Variants in FCSK observed in about 807,000 individuals in gnomAD.
The protein encoded by FCSK is fucose kinase.
A neutral mutation model predicts 122.5 loss-of-function variants in FCSK; 123 were observed. That is an observed-to-expected ratio of 1.00 (90% CI 0.87 to 1.17). FCSK has a LOEUF of 1.17. FCSK is among the 50% of genes most tolerant of loss of function. The pLI is 0.00. For synonymous variants in FCSK, 620 were observed against 625.5 expected (o/e 0.99, Z 0.13); for missense variants, 1,366 against 1,450.4 (o/e 0.94, Z 0.95).
chr16:70,478,403 G>A lies in FCSK; in HGVS notation c.2773G>A (p.Asp925Asn), dbSNP rs2048882797. 6 of 1,614,096 alleles carry A rather than the reference G, an allele frequency of 3.7e-6. No individual in the cohort carries two copies. The highest frequency in any genetic ancestry group is 5.1e-6 in the Non-Finnish European group (6 of 1,180,062). Residue 925 changes from aspartate to asparagine, a missense_variant, in exon 21 of 24, where the codon GAC (aspartate) becomes AAC (asparagine). Transcript: ENST00000288078. The part of the protein sequence containing the change: ...VPEGFVQKLN[D>N]HLLLVYTGKT... ...TGAGGGCTTTGTCCAGAAGCTCAAT[G>A]ACCACCTGCTCTTGGTGTACACTGG... is the stretch of plus-strand genomic sequence containing the variant.
At position 70,466,871 on chromosome 16, in the gene FCSK, T is replaced by TC. The variant is rs760257502; in HGVS notation, c.412-5dup. ...AGGCACCAGCTGTGTTCTGTCTCCTTCCCCCCACAGCTGGGCCCGGGCTCC... is the reference window on the plus strand; with the variant it reads ...AGGCACCAGCTGTGTTCTGTCTCCTTCCCCCCCACAGCTGGGCCCGGGCTCC... On this transcript the variant is annotated splice_polypyrimidine_tract_variant and intron_variant, in intron 5 of 23. Coordinates refer to ENST00000288078, the MANE Select transcript of FCSK (RefSeq NM_145059.3). The TC allele has an allele frequency of 8.1e-6, 13 of 1,611,136 alleles. No individual in the cohort carries two copies. The highest frequency in any genetic ancestry group is 2.2e-5 in the East Asian group (1 of 44,864).
chr16:70,479,127 T>C lies in FCSK; in HGVS notation c.2930-53T>C, dbSNP rs1236716360. The stretch of plus-strand genomic sequence containing the variant: ...CTTGGCACTTCATGCAATCTCCAGA[T>C]GGGTGCTGAGTATCTTGGCCCAGGC... On this transcript the variant is annotated intron_variant, in intron 22 of 23. Coordinates refer to ENST00000288078, the MANE Select transcript of FCSK (RefSeq NM_145059.3). 5.9e-6 allele frequency: 8 copies of C among 1,351,016 alleles called. No homozygotes were observed. In the East Asian group the frequency reaches 1.9e-4, roughly 31 times the overall value. 83.7% of individuals were successfully genotyped at this position (1,351,016 alleles called of 1,614,324 possible).
chr16:70,472,742 C>T (rs569884162), intron 14 of FCSK, 137 bp downstream of exon 14: 101 of 836,394 alleles, frequency 1.2e-4, no homozygotes, highest in Non-Finnish European at 1.7e-4. Flanking sequence ...TTTGGGCAGC[C>T]GGATTCTCTC....
At chr16:70,464,419 A>C (rs1001111559) in intron 3 of FCSK, among the ~76,000 whole-genome samples, 3 of 152,156 alleles carry the variant, frequency 2.0e-5, no homozygotes, top group Admixed American at 6.5e-5. Flanking sequence ...TGGGAGGCCG[A>C]GGTGGGTGGA....
At position 70,471,073 on chromosome 16, in the gene FCSK, G is replaced by A; in HGVS notation, c.1170+1G>A. 1 of 1,599,444 alleles carries A rather than the reference G, an allele frequency of 6.3e-7. No individual in the cohort carries two copies. Among genetic ancestry groups the A allele is most frequent in the Non-Finnish European group, 8.5e-7 (1 of 1,175,602 alleles). Reference sequence around the variant, plus strand: ...CGTCCTGCAGCACTGCCACCTGCAGGTGAGGCCTGAGCGTGTGGGCAGATT... The same window carrying A: ...CGTCCTGCAGCACTGCCACCTGCAGATGAGGCCTGAGCGTGTGGGCAGATT... On this transcript the variant is annotated splice_donor_variant, in intron 12 of 23. Coordinates refer to ENST00000288078, the MANE Select transcript of FCSK (RefSeq NM_145059.3). LOFTEE classifies it high-confidence loss of function.
Position 70,474,935 on chromosome 16 carries a change from G to A in FCSK, c.2301G>A (p.Arg767=), listed in dbSNP as rs770882667. ...EPELWLAVGP[R]QDEMTVKIVC... is the part of the protein sequence containing the mutation. ...AGCTGTGGCTGGCGGTGGGGCCTCG[G>A]CAGGATGAGATGACTGTGAAGATAG... The change falls in exon 18 of 24, where the codon CGG becomes CGA. Residue 767 remains arginine, a synonymous_variant. Coordinates refer to ENST00000288078, the MANE Select transcript of FCSK (RefSeq NM_145059.3). The A allele has an allele frequency of 6.2e-7, 1 of 1,611,546 alleles. No individual in the cohort carries two copies. Among genetic ancestry groups the A allele is most frequent in the Non-Finnish European group, 8.5e-7 (1 of 1,179,340 alleles).
chr16:70,472,145 A>G (rs2048645269), intron 13 of FCSK, among the ~76,000 whole-genome samples: 2 of 151,958 alleles, frequency 1.3e-5, no homozygotes, highest in Non-Finnish European at 2.9e-5. Flanking sequence ...CAGGCTAGAG[A>G]CTGGGATTCA....
chr16:70,463,240 A>C lies in FCSK; in HGVS notation c.50A>C (p.Gln17Pro). 10 of 1,614,070 alleles carry C rather than the reference A, an allele frequency of 6.2e-6. No individual in the cohort carries two copies. The highest frequency in any genetic ancestry group is 8.5e-6 in the Non-Finnish European group (10 of 1,179,978). ...VDWTVIILTC[Q>P]YKDSVQVFQR... ...TGGACAGTCATCATCCTGACCTGCC[A>C]GTACAAGGACAGTGTCCAGGTCTTT... The change falls in exon 2 of 24, where the codon CAG (glutamine) becomes CCG (proline). Residue 17 changes from glutamine (Q) to proline (P), a missense_variant. Transcript: ENST00000288078.
In FCSK at chr16:70,463,188, A is replaced by G. The variant is rs375614106; in HGVS notation, c.-3A>G. The G allele has an allele frequency of 7.4e-6, 12 of 1,613,772 alleles. No individual in the cohort carries two copies. Among genetic ancestry groups the G allele is most frequent in the Admixed American group, 1.7e-5 (1 of 59,994 alleles). On this transcript the variant is annotated 5_prime_UTR_variant, in exon 2 of 24. Coordinates refer to ENST00000288078, the MANE Select transcript of FCSK (RefSeq NM_145059.3). ...TCTCAGGAAGCCCCTCCGCTTGGCC[A>G]GAATGGAGCAGCCGAAGGGAGTTGA... is the stretch of plus-strand genomic sequence containing the variant.
intron 1 of FCSK, among the ~76,000 whole-genome samples, chr16:70,459,155 C>T (rs938815411): frequency 2.0e-5 from 3 of 148,366 alleles, no homozygotes; most frequent in Non-Finnish European, 3.0e-5. Context: ...CCTGGGAGGT[C>T]GAGGCTGCAG....
Position 70,466,886 on chromosome 16 carries a change from G to A in FCSK, c.416G>A (p.Gly139Asp). 6.2e-7 allele frequency: 1 copy of A among 1,613,382 alleles called. No individual in the cohort carries two copies. The highest frequency in any genetic ancestry group is 8.5e-7 in the Non-Finnish European group (1 of 1,179,862). ...TCTGTCTCCTTCCCCCCACAGCTGGGCCCGGGCTCCCCGCCAGGCGTGTGG... is the reference window on the plus strand; with the variant it reads ...TCTGTCTCCTTCCCCCCACAGCTGGACCCGGGCTCCCCGCCAGGCGTGTGG... The part of the protein sequence containing the change: ...CLLDIMTYRL[G>D]PGSPPGVWVC... The change falls in exon 6 of 24, where the codon GGC (glycine) becomes GAC (aspartate). Residue 139 changes from glycine to aspartate, a missense_variant. Gly to Asp is a moderately conservative substitution (Grantham distance 94, BLOSUM62 -1). Transcript: ENST00000288078.
intron 1 of FCSK, among the ~76,000 whole-genome samples, chr16:70,455,888 C>CA (rs1198596857): frequency 0.06 from 6,906 of 115,096 alleles, 465 homozygotes; most frequent in African/African-American, 0.19. Flanking sequence ...GAGACTGTCT[C>CA]AAAAAAAAAA....
In FCSK at chr16:70,479,658, C is replaced by T. The variant is rs750022807; in HGVS notation, c.3233C>T (p.Ser1078Leu). The T allele has an allele frequency of 1.2e-6, 2 of 1,614,074 alleles. No individual in the cohort carries two copies. The highest frequency in any genetic ancestry group is 1.1e-5 in the South Asian group (1 of 91,072). Reference sequence around the variant, plus strand: ...CTGAAGCTGCTGGGGACCGAGGCCTCAACCTGTTGCCCTTTCCCATGAAGC... The same window carrying T: ...CTGAAGCTGCTGGGGACCGAGGCCTTAACCTGTTGCCCTTTCCCATGAAGC... ...LSLKLLGTEA[S>L]TCCPFP The change falls in exon 24 of 24, where the codon TCA becomes TTA. Residue 1078 changes from serine (S) to leucine (L), a missense_variant. Transcript: ENST00000288078.
At chr16:70,471,815 T>G (rs898848443) in intron 13 of FCSK, among the ~76,000 whole-genome samples, 34 of 148,658 alleles carry the variant, frequency 2.3e-4, no homozygotes, top group Non-Finnish European at 3.3e-4. Context: ...GGTTGTTGTT[T>G]TTTTTTTTTT....
At position 70,473,463 on chromosome 16, in the gene FCSK, G is replaced by A; in HGVS notation, c.1777+110G>A. 1 of 1,275,490 alleles carries A rather than the reference G, an allele frequency of 7.8e-7. No individual in the cohort carries two copies. Among genetic ancestry groups the A allele is most frequent in the South Asian group, 1.6e-5 (1 of 62,004 alleles). 79.0% of individuals were successfully genotyped at this position (1,275,490 alleles called of 1,614,324 possible). ...AGGGGACCATGAGGTGCTCAAGCAG[G>A]GAAGGGGCATGCTGGAGTTTACTTT... On this transcript the variant is annotated intron_variant, in intron 15 of 23. Transcript: ENST00000288078. This position sits in a 1 kb window ranked among gnomAD's most constrained non-coding sequence, Gnocchi z 4.9.
chr16:70,475,837 TC>T, intron 20 of FCSK, 70 bp downstream of exon 20: 1 of 1,434,706 alleles, frequency 7.0e-7, no homozygotes, highest in Non-Finnish European at 9.2e-7. Context: ...GGAGTGGGGC[TC>T]CCCTGGATTT....
intron 20 of FCSK, chr16:70,478,035 A>G (rs1489866853): frequency 3.6e-6 from 2 of 552,876 alleles, no homozygotes; most frequent in East Asian, 3.0e-5. Flanking sequence ...CCAATTATAC[A>G]TTAGGTCTAA....
rs1472948040 is a variant in FCSK, at chr16:70,474,277, G to A, written c.1926G>A (p.Glu642=). 2.5e-6 allele frequency: 4 copies of A among 1,613,356 alleles called. No individual in the cohort carries two copies. The highest frequency in any genetic ancestry group is 1.1e-5 in the South Asian group (1 of 91,024). Residue 642 remains glutamate, a synonymous_variant, in exon 16 of 24, where the codon GAG becomes GAA. Coordinates refer to ENST00000288078, the MANE Select transcript of FCSK (RefSeq NM_145059.3). ...GGATGCGGCCCTTCTCATACCTGGA[G>A]TGTGGAGACCTGGCAGCGGGCGTGG... is the stretch of plus-strand genomic sequence containing the variant. The part of the protein sequence containing the change: ...PEWMRPFSYL[E]CGDLAAGVEA...
chr16:70,467,773 C>CCTTG, intron 7 of FCSK, 113 bp from the exon 8 acceptor site: 1 of 871,056 alleles, frequency 1.1e-6, no homozygotes, highest in African/African-American at 1.6e-5. Flanking sequence ...CAACTGCCAG[C>CCTTG]CTTGCGTCCT....
Sources: gnomAD v4.1 joint callset for allele counts (sites outside exome capture counted in the v4.1 genomes callset) on GRCh38, gnomAD v4.1.1 for gene constraint, Gnocchi (gnomAD v3.1) non-coding constraint, MANE v1.5 for transcripts, NCBI Gene and HGNC (gene_info 2026-07-23, HGNC 2026-07-21) for gene names.